Variants in SGIP1 observed in about 807,000 individuals in gnomAD.
SGIP1 encodes SH3GL interacting endocytic adaptor 1.
In SGIP1, 38 loss-of-function variants were observed where a neutral mutation model predicts 107.5. That is an observed-to-expected ratio of 0.35 (90% CI 0.27 to 0.46). The LOEUF (loss-of-function observed/expected upper bound fraction) is 0.46. Among genes scored for constraint, SGIP1 ranks in the 20% least tolerant of loss-of-function variants. The pLI is 1.00. For missense variants in SGIP1, 929 were observed against 1,019.5 expected (o/e 0.91, Z 1.21); for synonymous variants, 365 against 366.1 (o/e 1.00, Z 0.03).
At chr1:66,733,141 C>T (rs1030714301) in intron 20 of SGIP1, among the ~76,000 whole-genome samples, 1 of 152,156 alleles carries the variant, frequency 6.6e-6, no homozygotes, top group Non-Finnish European at 1.5e-5. Flanking sequence ...TTATAACTAC[C>T]AAAATTATCA....
chr1:66,698,313 T>C (rs1244572263), intron 18 of SGIP1, among the ~76,000 whole-genome samples: 2 of 152,326 alleles, frequency 1.3e-5, no homozygotes, highest in East Asian at 3.9e-4. Context: ...GAAATATTAA[T>C]TTATGATAAA....
intron 7 of SGIP1, among the ~76,000 whole-genome samples, chr1:66,653,842 T>A (rs1184518511): frequency 6.6e-6 from 1 of 152,230 alleles, no homozygotes; most frequent in Non-Finnish European, 1.5e-5. Flanking sequence ...GCATTTAGAA[T>A]TTAAAACTAT....
chr1:66,605,374 C>T (rs1209855319), intron 1 of SGIP1, among the ~76,000 whole-genome samples: 1 of 152,046 alleles, frequency 6.6e-6, no homozygotes, highest in Admixed American at 6.6e-5. Flanking sequence ...AGGTACCTCC[C>T]TTAAGGGGTA....
intron 1 of SGIP1, among the ~76,000 whole-genome samples, chr1:66,596,600 C>A (rs372940734): frequency 3.7e-4 from 56 of 151,628 alleles, no homozygotes; most frequent in Middle Eastern, 3.4e-3. Context: ...AAGGATTTAA[C>A]TTTCAGGCTT....
At chr1:66,611,940 T>A (rs1019778827) in intron 1 of SGIP1, among the ~76,000 whole-genome samples, 1 of 152,146 alleles carries the variant, frequency 6.6e-6, no homozygotes, top group African/African-American at 2.4e-5. Context: ...TGTTACAGAA[T>A]CTTAGAGTCA....
intron 1 of SGIP1, among the ~76,000 whole-genome samples, chr1:66,582,372 G>T (rs993410204): frequency 6.6e-6 from 1 of 152,036 alleles, no homozygotes; most frequent in Non-Finnish European, 1.5e-5. Context: ...CTTACTGTCA[G>T]CATCCCTACC....
At chr1:66,671,362 C>G (rs56281574) in intron 10 of SGIP1, among the ~76,000 whole-genome samples, 3 of 152,122 alleles carry the variant, frequency 2.0e-5, no homozygotes, top group Non-Finnish European at 4.4e-5. Flanking sequence ...GCAGAAGGAA[C>G]TGAAAGTAGA....
intron 19 of SGIP1, among the ~76,000 whole-genome samples, chr1:66,721,334 A>G (rs1290777824): frequency 2.0e-5 from 3 of 152,230 alleles, no homozygotes; most frequent in Non-Finnish European, 4.4e-5. Context: ...AAAATTTATC[A>G]CTGACTACTG....
At chr1:66,727,144 C>T (rs974863783) in intron 19 of SGIP1, among the ~76,000 whole-genome samples, 1 of 152,144 alleles carries the variant, frequency 6.6e-6, no homozygotes, top group Non-Finnish European at 1.5e-5. Context: ...AAAAACAAAA[C>T]AAGCCACAGA....
intron 1 of SGIP1, among the ~76,000 whole-genome samples, chr1:66,614,982 G>A (rs967593628): frequency 2.0e-5 from 3 of 151,138 alleles, no homozygotes; most frequent in Admixed American, 1.3e-4. Context: ...ACCACGCCCG[G>A]CTAATTTTGT....
At chr1:66,697,637 A>T (rs1201315139) in intron 18 of SGIP1, among the ~76,000 whole-genome samples, 1 of 152,224 alleles carries the variant, frequency 6.6e-6, no homozygotes, top group African/African-American at 2.4e-5. Context: ...ATGTCTTGCT[A>T]TCTGAGCAAA....
intron 13 of SGIP1, among the ~76,000 whole-genome samples, chr1:66,677,874 C>T (rs540916780): frequency 6.6e-6 from 1 of 152,308 alleles, no homozygotes; most frequent in East Asian, 1.9e-4. Context: ...CTCCTTTGGG[C>T]TCACATACAG....
intron 2 of SGIP1, among the ~76,000 whole-genome samples, chr1:66,630,894 A>AGAAAGAAAGAAG (rs2074305603): frequency 1.0e-4 from 1 of 9,616 alleles, no homozygotes; most frequent in Non-Finnish European, 2.1e-4. Flanking sequence ...AAAGAAAGAA[A>AGAAAGAAAGAAG]GAAAGAAAGA....
upstream of SGIP1, chr1:66,533,703 G>GTT (rs1382131318): frequency 1.3e-5 from 2 of 152,604 alleles, no homozygotes; most frequent in African/African-American, 2.4e-5. Context: ...GAGCTTAGAA[G>GTT]TGTGTTGCTA....
At chr1:66,740,853 A>T in intron 23 of SGIP1, 131 bp downstream of exon 23, 1 of 631,552 alleles carries the variant, frequency 1.6e-6, no homozygotes. Context: ...GCGTTTACTT[A>T]TTTCAATTAA....
intron 1 of SGIP1, among the ~76,000 whole-genome samples, chr1:66,610,114 C>T (rs1046538342): frequency 6.6e-6 from 1 of 151,964 alleles, no homozygotes; most frequent in Non-Finnish European, 1.5e-5. Flanking sequence ...TGCTATTCAG[C>T]CAAATAGGGT....
chr1:66,653,257 G>A (rs1317162693), intron 7 of SGIP1, among the ~76,000 whole-genome samples: 2 of 152,122 alleles, frequency 1.3e-5, no homozygotes, highest in Non-Finnish European at 2.9e-5. Flanking sequence ...ACTGTGTGCA[G>A]AAAATTAGTT....
At chr1:66,537,983 C>T (rs1198076295) in intron 1 of SGIP1, among the ~76,000 whole-genome samples, 1 of 152,084 alleles carries the variant, frequency 6.6e-6, no homozygotes, top group Non-Finnish European at 1.5e-5. Flanking sequence ...CCTTTGGTTG[C>T]ATATTCTGTG....
At chr1:66,687,125 T>C (rs1294519103) in intron 15 of SGIP1, among the ~76,000 whole-genome samples, 1 of 152,216 alleles carries the variant, frequency 6.6e-6, no homozygotes, top group Non-Finnish European at 1.5e-5. Context: ...AAAAGGAGTT[T>C]AAATTTCTTT....
Sources: allele counts gnomAD v4.1 joint callset (sites outside exome capture counted in the v4.1 genomes callset), GRCh38; gene constraint gnomAD v4.1.1; transcripts MANE v1.5; gene names NCBI Gene and HGNC (gene_info 2026-07-23, HGNC 2026-07-21).